DACT3: variants seen among roughly 807,000 people sequenced by gnomAD.
DACT3 encodes the protein dishevelled binding antagonist of beta catenin 3, also known as dapper homolog 3.
DACT3 carries 5 observed loss-of-function variants against 19.6 expected under a neutral mutation model. The ratio of observed to expected loss-of-function variants is 0.26; its 90% CI spans 0.13 to 0.54. The LOEUF (loss-of-function observed/expected upper bound fraction) is 0.54, where lower values mean the gene tolerates loss of function less well. Ranked by LOEUF, DACT3 falls within the 20% of genes least tolerant of loss-of-function variation. The probability of loss-of-function intolerance (pLI) is 0.95; values close to 1 mark genes in which losing one functional copy is unlikely to be tolerated. For synonymous variants in DACT3, 454 were observed against 428.1 expected, an observed-to-expected ratio of 1.06 and a Z score of -0.75; for missense variants, 908 against 927.4, an observed-to-expected ratio of 0.98 and a Z score of 0.27.
At position 46,648,960 on chromosome 19, in the gene DACT3, C is replaced by G; in HGVS notation, c.1412G>C (p.Gly471Ala). ...AGTGGAGCGCCAGCGACGGCAGGAC[C>G]CTGCGGCCTGGGCCGCCAGCGTGGG... is the stretch of plus-strand genomic sequence containing the variant. ...PAPTLAAQAA[G>A]SCRRWRSTAE... The change falls in exon 4 of 4, where the codon GGG (glycine) becomes GCG (alanine). Residue 471 changes from glycine (G) to alanine (A), a missense_variant. By Grantham distance (60) the Gly-to-Ala change is moderately conservative. This residue lies in a region of DACT3 where 656 missense variants were observed against 601.8 expected (regional missense o/e 1.09). Coordinates refer to ENST00000391916, the MANE Select transcript of DACT3 (RefSeq NM_145056.3). The surrounding 1 kb of genome is among the most constrained non-coding windows in gnomAD (Gnocchi z 5.1). 4 of 1,305,018 alleles carry G rather than the reference C, an allele frequency of 3.1e-6. No homozygotes were observed. The highest frequency in any genetic ancestry group is 3.9e-6 in the Non-Finnish European group (4 of 1,030,470). 80.8% of individuals were successfully genotyped at this position (1,305,018 alleles called of 1,614,324 possible).
intron 1 of DACT3, among the ~76,000 whole-genome samples, chr19:46,658,741 C>T (rs2053050764): frequency 6.6e-6 from 1 of 152,142 alleles, no homozygotes; most frequent in African/African-American, 2.4e-5. Flanking sequence ...CCCCTGGAGA[C>T]CCCTTTGCCC....
rs768322728 is a variant in DACT3, at chr19:46,648,712, C to T, written c.1660G>A (p.Glu554Lys). Residue 554 changes from glutamate (E) to lysine (K), a missense_variant, in exon 4 of 4, where the codon GAG (glutamate) becomes AAG (lysine). Transcript: ENST00000391916. The surrounding 1 kb of genome is among the most constrained non-coding windows in gnomAD (Gnocchi z 5.1). ...GAGCTGAAGGCAGGCGATTCTCCCT[C>T]GCTGGCGCTCGATTCGCTCTCCCCG... is the stretch of plus-strand genomic sequence containing the variant. The part of the protein sequence containing the change: ...GYGESESSAS[E>K]GESPAFSSAS... 2 of 1,607,064 alleles carry T rather than the reference C, an allele frequency of 1.2e-6. No homozygotes were observed. Among genetic ancestry groups the T allele is most frequent in the South Asian group, 2.2e-5 (2 of 91,022 alleles).
At position 46,660,791 on chromosome 19, in the gene DACT3, G is replaced by A. The variant is rs1183914752; in HGVS notation, c.249+25C>T. ...AGACAGACACAGACGGGGGTGGAGG[G>A]ACGGACGGACAGGCAGCCCCTTACC... On this transcript the variant is annotated intron_variant, in intron 1 of 3. Transcript: ENST00000391916. The surrounding 1 kb of genome is among the most constrained non-coding windows in gnomAD (Gnocchi z 4.9). 6.8e-7 allele frequency: 1 copy of A among 1,465,362 alleles called. No homozygotes were observed. Among genetic ancestry groups the A allele is most frequent in the East Asian group, 2.8e-5 (1 of 35,784 alleles). The allele number at this position is 1,465,362 out of a possible 1,614,324, so 90.8% of individuals were successfully genotyped here.
chr19:46,654,741 G>A, intron 1 of DACT3: 2 of 985,392 alleles, frequency 2.0e-6, no homozygotes, highest in Non-Finnish European at 2.4e-6. Flanking sequence ...GGAGGGAAGT[G>A]GGGAGGAGGG....
intron 1 of DACT3, among the ~76,000 whole-genome samples, chr19:46,655,737 A>G (rs2053027810): frequency 6.6e-6 from 1 of 152,120 alleles, no homozygotes; most frequent in South Asian, 2.1e-4. Flanking sequence ...ACCCCCACCC[A>G]GTGCCTAGAA....
intron 1 of DACT3, chr19:46,659,273 G>A (rs573659813): frequency 1.0e-6 from 1 of 984,702 alleles, no homozygotes; most frequent in African/African-American, 1.7e-5. Flanking sequence ...CTATCAGCTC[G>A]TGCCGGGAGG....
At position 46,648,355 on chromosome 19, in the gene DACT3, G is replaced by A. The variant is rs568093599; in HGVS notation, c.*127C>T. The stretch of plus-strand genomic sequence containing the variant: ...TTCAACCAAGACTGTTAGGAGTGGG[G>A]AGAGTGAGGGGGGTCTTTGGAAGCA... On this transcript the variant is annotated 3_prime_UTR_variant, in exon 4 of 4. Coordinates refer to ENST00000391916, the MANE Select transcript of DACT3 (RefSeq NM_145056.3). The surrounding 1 kb of genome is among the most constrained non-coding windows in gnomAD (Gnocchi z 5.1). The A allele has an allele frequency of 6.7e-7, 1 of 1,499,284 alleles. No homozygotes were observed. Among genetic ancestry groups the A allele is most frequent in the Admixed American group, 1.9e-5 (1 of 51,760 alleles). 92.9% of individuals were successfully genotyped at this position (1,499,284 alleles called of 1,614,324 possible).
intron 1 of DACT3, among the ~76,000 whole-genome samples, chr19:46,655,901 G>GTCTCTCTCTCTCTCTCTCTC (rs140521907): frequency 3.0e-5 from 4 of 131,854 alleles, no homozygotes; most frequent in South Asian, 2.6e-4. Context: ...GTGAGACCCA[G>GTCTCTCTCTCTCTCTCTCTC]TCTCTCTCTC....
chr19:46,648,758 C>A lies in DACT3; in HGVS notation c.1614G>T (p.Ala538=). ...CCCCGTAACCCCCGCCGACGCCTCC[C>A]GCAGGCCCCCGGCGTCCCAGGGGCC... ...RLGPLGRRGP[A]GGVGGGYGES... Residue 538 remains alanine, a synonymous_variant, in exon 4 of 4, where the codon GCG becomes GCT. Transcript: ENST00000391916. This position sits in a 1 kb window ranked among gnomAD's most constrained non-coding sequence, Gnocchi z 5.1. 2 of 1,567,530 alleles carry A rather than the reference C, an allele frequency of 1.3e-6. No homozygotes were observed. Among genetic ancestry groups the A allele is most frequent in the South Asian group, 1.1e-5 (1 of 88,830 alleles).
At chr19:46,653,499 T>A (rs374045234) in intron 1 of DACT3, among the ~76,000 whole-genome samples, 13 of 151,836 alleles carry the variant, frequency 8.6e-5, no homozygotes, top group African/African-American at 2.7e-4. Flanking sequence ...GATCCCTTAG[T>A]CATAGGTCTG....
intron 1 of DACT3, chr19:46,659,474 A>C: frequency 2.0e-6 from 2 of 981,664 alleles, no homozygotes; most frequent in Non-Finnish European, 2.4e-6. Context: ...TTCCAAGCCG[A>C]GCCAGCTTGG....
intron 1 of DACT3, among the ~76,000 whole-genome samples, chr19:46,658,161 G>A (rs879628873): frequency 3.3e-5 from 5 of 151,764 alleles, no homozygotes; most frequent in African/African-American, 4.8e-5. Flanking sequence ...GAGAGGCTGA[G>A]ACAGAAGGAT....
Position 46,650,133 on chromosome 19 carries a change from T to A in DACT3, c.500-261A>T, listed in dbSNP as rs974048706. The stretch of plus-strand genomic sequence containing the variant: ...TCACAACATCTTACCCCCTATTTTT[T>A]TTTTTTTTTTTTTTTTGAGACGGAG... On this transcript the variant is annotated intron_variant, in intron 3 of 3. Coordinates refer to ENST00000391916, the MANE Select transcript of DACT3 (RefSeq NM_145056.3). The A allele has an allele frequency of 8.2e-5, 17 of 207,090 alleles. 1 individual carries two copies. The highest frequency in any genetic ancestry group is 1.8e-5 in the Non-Finnish European group (2 of 110,224). The allele number at this position is 207,090 out of a possible 1,614,324, so 12.8% of individuals were successfully genotyped here. A position where few individuals can be genotyped will look rare whatever the true frequency, so the allele number is the denominator to read the frequency against.
chr19:46,649,104 C>G lies in DACT3; in HGVS notation c.1268G>C (p.Arg423Pro). ...CAGCAGGCTGGTCTCAGACTGGGAG[C>G]GCGAGGCCTTGCGGGCCCTGGGCGA... ...RGSPRARKAS[R>P]SQSETSLLGR... is the part of the protein sequence containing the mutation. Residue 423 changes from arginine (R) to proline (P), a missense_variant, in exon 4 of 4, where the codon CGC becomes CCC. Arg to Pro is a moderately radical substitution (Grantham distance 103, BLOSUM62 -2). Around this residue, in one of 2 missense-constraint regions of DACT3, gnomAD observed 656 missense variants for 601.8 expected, o/e 1.09. Coordinates refer to ENST00000391916, the MANE Select transcript of DACT3 (RefSeq NM_145056.3). The G allele has an allele frequency of 7.7e-7, 1 of 1,295,924 alleles. No homozygotes were observed. The highest frequency in any genetic ancestry group is 3.9e-5 in the Admixed American group (1 of 25,320). 80.3% of individuals were successfully genotyped at this position (1,295,924 alleles called of 1,614,324 possible).
At chr19:46,655,593 A>G (rs541537473) in intron 1 of DACT3, among the ~76,000 whole-genome samples, 1 of 152,340 alleles carries the variant, frequency 6.6e-6, no homozygotes, top group East Asian at 1.9e-4. Context: ...AGCCTGGGCG[A>G]CAGTAAGATT....
rs554419777 is a variant in DACT3 at position 46,652,993 on chromosome 19, C to G, written c.332G>C (p.Ser111Thr). Residue 111 changes from serine to threonine, a missense_variant, in exon 2 of 4, where the codon AGC becomes ACC. Coordinates refer to ENST00000391916, the MANE Select transcript of DACT3 (RefSeq NM_145056.3). ...SLESGGLEQESGRSSGFYEDP... is the reference protein window; with the variant it reads ...SLESGGLEQETGRSSGFYEDP... ...TCCATGCTCACCCGAGCTACGCCCG[C>G]TCTCCTGTTCCAGGCCCCCAGACTC... 1.4e-4 allele frequency: 216 copies of G among 1,551,430 alleles called. 5 individuals are homozygous for G. In the South Asian group the frequency reaches 2.5e-3, roughly 18 times the overall value.
intron 3 of DACT3, 30 bp from the exon 4 acceptor site, chr19:46,649,902 AAAG>A (rs1331288654): frequency 4.9e-5 from 66 of 1,349,808 alleles, no homozygotes; most frequent in Admixed American, 3.5e-4. Flanking sequence ...AAAAAAAAAA[AAAG>A]AGAGAGTGGA....
At chr19:46,656,506 C>T (rs1203230893) in intron 1 of DACT3, among the ~76,000 whole-genome samples, 1 of 152,132 alleles carries the variant, frequency 6.6e-6, no homozygotes, top group African/African-American at 2.4e-5. Flanking sequence ...TGCCACCACA[C>T]CCCCGCTAAT....
At chr19:46,653,642 C>T (rs2122463047) in intron 1 of DACT3, among the ~76,000 whole-genome samples, 1 of 151,958 alleles carries the variant, frequency 6.6e-6, no homozygotes, top group African/African-American at 2.4e-5. Flanking sequence ...CAGCCTCTAC[C>T]TCCCGGGATC....
Sources: allele counts gnomAD v4.1 joint callset (sites outside exome capture counted in the v4.1 genomes callset), GRCh38; gene constraint gnomAD v4.1.1; regional missense constraint gnomAD v4.1.1; non-coding constraint Gnocchi (gnomAD v3.1); transcripts MANE v1.5; gene names NCBI Gene and HGNC (gene_info 2026-07-23, HGNC 2026-07-21).